The following HYDIN variants were observed in gnomAD, a reference collection of about 807,000 sequenced individuals.
HYDIN encodes HYDIN axonemal central pair apparatus protein.
Under a neutral mutation model 403.9 loss-of-function variants are expected in HYDIN, and 132 were observed. The ratio of observed to expected loss-of-function variants is 0.33; its 90% CI spans 0.28 to 0.38. The LOEUF is 0.38. Ranked by LOEUF, HYDIN falls within the 10% of genes least tolerant of loss-of-function variation. The probability of loss-of-function intolerance (pLI) is 1.00; values close to 1 mark genes in which losing one functional copy is unlikely to be tolerated. For missense variants in HYDIN, 2,827 were observed against 5,009.5 expected, an observed-to-expected ratio of 0.56 and a Z score of 13.15; for synonymous variants, 1,202 against 1,891.7, an observed-to-expected ratio of 0.64 and a Z score of 9.46.
At chr16:70,906,330 G>A (rs1597284132) in intron 50 of HYDIN, among the ~76,000 whole-genome samples, 1 of 151,526 alleles carries the variant, frequency 6.6e-6, no homozygotes, top group Non-Finnish European at 1.5e-5. Flanking sequence ...CCCCTCACTT[G>A]CAATGGATGA....
At chr16:71,208,963 T>C (rs1040368458) in intron 1 of HYDIN, among the ~76,000 whole-genome samples, 1 of 152,038 alleles carries the variant, frequency 6.6e-6, no homozygotes, top group African/African-American at 2.4e-5. Flanking sequence ...TTCTGCCAGA[T>C]GTACAAAGAA....
Position 70,803,861 on chromosome 16 carries a change from G to A in HYDIN, c.*3719C>T, listed in dbSNP as rs1008315183. 1.3e-5 allele frequency among the ~76,000 whole-genome samples: 2 copies of A among 151,276 alleles called. No homozygotes were observed. Among genetic ancestry groups the A allele is most frequent in the Non-Finnish European group, 3.0e-5 (2 of 67,738 alleles). On this transcript the variant is annotated 3_prime_UTR_variant, in exon 86 of 86. Transcript: ENST00000393567. ...ACTCACTGGGGGCCCAGTGTGGAAC[G>A]AGGCCAGGGAGCCCCATTCCCATGG...
chr16:71,172,597 A>C (rs534474761), intron 5 of HYDIN, among the ~76,000 whole-genome samples: 23 of 152,200 alleles, frequency 1.5e-4, no homozygotes, highest in Admixed American at 3.9e-4. Flanking sequence ...GGCATTTGGC[A>C]TTCTTAACAA....
At chr16:71,020,445 T>G in intron 21 of HYDIN, 128 bp from the exon 22 acceptor site, 1 of 1,331,982 alleles carries the variant, frequency 7.5e-7, no homozygotes, top group Non-Finnish European at 1.0e-6. Flanking sequence ...TGTGTGTGTG[T>G]GTGTATATAT....
chr16:71,078,496 G>GT (rs1158052785), intron 13 of HYDIN, among the ~76,000 whole-genome samples: 7 of 151,774 alleles, frequency 4.6e-5, no homozygotes, highest in Non-Finnish European at 8.8e-5. Context: ...AGTTATGAGG[G>GT]TTTTTTTGTT....
At chr16:70,846,165 T>G (rs1320260177) in intron 75 of HYDIN, among the ~76,000 whole-genome samples, 2 of 147,434 alleles carry the variant, frequency 1.4e-5, no homozygotes, top group Non-Finnish European at 3.0e-5. Flanking sequence ...TCCTGCTTTC[T>G]CTTGTGGGCA....
chr16:70,808,678 T>C (rs1210759477), intron 85 of HYDIN, among the ~76,000 whole-genome samples: 1 of 152,222 alleles, frequency 6.6e-6, no homozygotes, highest in Non-Finnish European at 1.5e-5. Context: ...TCTTGGCTGA[T>C]ACAACTGATC....
intron 21 of HYDIN, among the ~76,000 whole-genome samples, chr16:71,021,317 A>G (rs2080484353): frequency 6.6e-6 from 1 of 151,534 alleles, no homozygotes; most frequent in South Asian, 2.1e-4. Context: ...CTCGAGTACA[A>G]GTGATTCTCT....
intron 7 of HYDIN, among the ~76,000 whole-genome samples, chr16:71,148,371 A>G (rs1207840752): frequency 6.6e-6 from 1 of 152,222 alleles, no homozygotes; most frequent in Admixed American, 6.5e-5. Context: ...ACAGCATACT[A>G]ATGTCTAGCC....
At position 71,133,244 on chromosome 16, in the gene HYDIN, C is replaced by T. The variant is rs555447776; in HGVS notation, c.1044-3421G>A. 67 of 455,598 alleles carry T rather than the reference C, an allele frequency of 1.5e-4. No individual in the cohort carries two copies. The East Asian group carries it at 2.0e-3, about 14-fold the overall frequency. The allele number at this position is 455,598 out of a possible 1,614,324, so 28.2% of individuals were successfully genotyped here. On this transcript the variant is annotated intron_variant, in intron 8 of 85. Coordinates refer to ENST00000393567, the MANE Select transcript of HYDIN (RefSeq NM_001270974.2). ...GTCTTGAGAGCTAGAGGAAATACTC[C>T]CATGTCCACACTTGGCCTGGAACAA...
chr16:70,974,457 C>A (rs1385023369), intron 32 of HYDIN, 77 bp downstream of exon 32: 2 of 1,378,864 alleles, frequency 1.5e-6, no homozygotes, highest in South Asian at 2.9e-5. Flanking sequence ...AAAAGCTGCT[C>A]CAGGAGGACA....
In HYDIN at chr16:70,892,429, T is replaced by C. The variant is rs1186438228; in HGVS notation, c.9349A>G (p.Asn3117Asp). ...TTTGCATGGAAGAAAACTTGGACAT[T>C]TGTGGGTTTTTCTGTTGGGGTCAGT... ...GSLTPTEKPT[N>D]VQVFFHAKKE... Residue 3117 changes from asparagine to aspartate, a missense_variant, in exon 56 of 86, where the codon AAT (asparagine) becomes GAT (aspartate). Transcript: ENST00000393567. 3 of 1,605,668 alleles carry C rather than the reference T, an allele frequency of 1.9e-6. No individual in the cohort carries two copies. The highest frequency in any genetic ancestry group is 1.1e-5 in the South Asian group (1 of 90,020).
At chr16:71,095,899 A>G (rs374467218) in intron 10 of HYDIN, among the ~76,000 whole-genome samples, 2 of 122,730 alleles carry the variant, frequency 1.6e-5, no homozygotes, top group African/African-American at 6.3e-5. Flanking sequence ...CAATACTGCT[A>G]ATGCAAATGG....
chr16:70,873,781 A>AG (rs1245169858), intron 64 of HYDIN, among the ~76,000 whole-genome samples: 1 of 152,206 alleles, frequency 6.6e-6, no homozygotes, highest in Non-Finnish European at 1.5e-5. Flanking sequence ...TCAGTAGGGC[A>AG]GGGGGGTCTG....
rs528823019 is a variant in HYDIN, at chr16:70,806,225, G to T, written c.*1355C>A. Among the ~76,000 whole-genome samples the T allele has an allele frequency of 6.6e-6, 1 of 152,254 alleles. No individual in the cohort carries two copies. Among genetic ancestry groups the T allele is most frequent in the South Asian group, 2.1e-4 (1 of 4,818 alleles). ...ATTAATCAAAGGTATGTATGTAAAG[G>T]AAAATACCACAGTATATGGAGTGTT... is the stretch of plus-strand genomic sequence containing the variant. On this transcript the variant is annotated 3_prime_UTR_variant, in exon 86 of 86. Transcript: ENST00000393567.
intron 41 of HYDIN, among the ~76,000 whole-genome samples, chr16:70,948,857 G>A (rs908081923): frequency 6.8e-6 from 1 of 147,274 alleles, no homozygotes; most frequent in Non-Finnish European, 1.5e-5. Context: ...TACACTGTTG[G>A]TGGGACTGTA....
At chr16:70,886,363 C>T (rs1614544) in intron 58 of HYDIN, among the ~76,000 whole-genome samples, 120 of 150,592 alleles carry the variant, frequency 8.0e-4, no homozygotes, top group African/African-American at 2.8e-3. Flanking sequence ...ATTCTTTCCC[C>T]GCTCTGTCTA....
At chr16:70,984,925 G>GA (rs57032719) in intron 28 of HYDIN, 2 of 370,212 alleles carry the variant, frequency 5.4e-6, no homozygotes, top group South Asian at 4.2e-5. Flanking sequence ...CATTATCATG[G>GA]AAAAAAAATC....
intron 45 of HYDIN, among the ~76,000 whole-genome samples, chr16:70,927,607 G>A (rs59757138): frequency 6.2e-3 from 866 of 139,986 alleles, no homozygotes; most frequent in South Asian, 0.011. Flanking sequence ...GTCACAGAAC[G>A]GTCACACTGC....
Sources: allele counts gnomAD v4.1 joint callset (sites outside exome capture counted in the v4.1 genomes callset), GRCh38; gene constraint gnomAD v4.1.1; transcripts MANE v1.5; gene names NCBI Gene and HGNC (gene_info 2026-07-23, HGNC 2026-07-21).